SPOCK3: variants seen among roughly 807,000 people sequenced by gnomAD.
The protein encoded by SPOCK3 is SPARC (osteonectin), cwcv and kazal like domains proteoglycan 3.
Under a neutral mutation model 56.6 loss-of-function variants are expected in SPOCK3, and 30 were observed. The observed-to-expected ratio is 0.53, with a 90% CI of 0.40 to 0.72. The LOEUF is 0.72. SPOCK3 is among the 30% of genes least tolerant of loss of function. SPOCK3 has a pLI of 0.00. For missense variants in SPOCK3, 527 were observed against 530.0 expected (o/e 0.99, Z 0.06); for synonymous variants, 196 against 183.3 (o/e 1.07, Z -0.56).
At chr4:166,769,030 A>G (rs6854042) in intron 7 of SPOCK3, among the ~76,000 whole-genome samples, 69,856 of 152,058 alleles carry the variant, frequency 0.46, 16,554 homozygotes, top group African/African-American at 0.51. Flanking sequence ...CATGGTTTTC[A>G]GCTCTATCAG....
chr4:167,211,795 A>C (rs145874512), intron 2 of SPOCK3, among the ~76,000 whole-genome samples: 57 of 152,306 alleles, frequency 3.7e-4, no homozygotes, highest in African/African-American at 1.2e-3. Context: ...GGACTAATAC[A>C]TGTACATATT....
At chr4:166,750,681 T>C (rs781623628) in intron 8 of SPOCK3, among the ~76,000 whole-genome samples, 6 of 152,156 alleles carry the variant, frequency 3.9e-5, no homozygotes, top group Non-Finnish European at 8.8e-5. Flanking sequence ...GAATTGGTAA[T>C]TTTCAATACA....
intron 2 of SPOCK3, among the ~76,000 whole-genome samples, chr4:167,143,404 AT>A (rs772563514): frequency 6.6e-6 from 1 of 151,974 alleles, no homozygotes; most frequent in Non-Finnish European, 1.5e-5. Flanking sequence ...GTGTGATAAT[AT>A]TTTTTATTAC....
At chr4:166,872,644 G>A (rs979043477) in intron 6 of SPOCK3, among the ~76,000 whole-genome samples, 9 of 150,416 alleles carry the variant, frequency 6.0e-5, no homozygotes, top group Admixed American at 3.3e-4. Flanking sequence ...AGCCATGAAA[G>A]GACATCAAAG....
At chr4:166,833,140 T>C (rs1043807323) in intron 6 of SPOCK3, among the ~76,000 whole-genome samples, 14 of 152,238 alleles carry the variant, frequency 9.2e-5, no homozygotes, top group African/African-American at 3.4e-4. Context: ...ACTACCACTT[T>C]AATCCATGGC....
intron 2 of SPOCK3, among the ~76,000 whole-genome samples, chr4:167,093,760 G>T (rs535499707): frequency 6.6e-6 from 1 of 152,288 alleles, no homozygotes; most frequent in South Asian, 2.1e-4. Context: ...ACATAAGTGT[G>T]TGTGTGTCTT....
At chr4:166,889,280 C>T (rs1281579208) in intron 5 of SPOCK3, 36 bp from the exon 6 acceptor site, 2 of 1,319,290 alleles carry the variant, frequency 1.5e-6, no homozygotes, top group Non-Finnish European at 2.2e-6. Context: ...AATTCAAATG[C>T]TTTAGTTATA....
rs150448545 is a variant in SPOCK3 at position 167,168,249 on chromosome 4, T to C, written c.189+65736A>G. Among the ~76,000 whole-genome samples the C allele has an allele frequency of 6.2e-3, 940 of 152,176 alleles. 6 individuals carry two copies. Among genetic ancestry groups the C allele is most frequent in the African/African-American group, 0.021 (892 of 41,522 alleles). The stretch of plus-strand genomic sequence containing the variant: ...GTGCTGCTGTAAATATACCCAAAAA[T>C]GTGGAAGCAACTTTGGAACTGGGTA... On this transcript the variant is annotated intron_variant, in intron 2 of 10. Transcript: ENST00000357545.
intron 6 of SPOCK3, among the ~76,000 whole-genome samples, chr4:166,797,232 T>TA: frequency 7.0e-6 from 1 of 143,034 alleles, no homozygotes; most frequent in Non-Finnish European, 1.5e-5. Context: ...TTTCCACCTT[T>TA]CTTTTTTTTT....
chr4:166,958,993 T>C (rs1743828355), intron 4 of SPOCK3, among the ~76,000 whole-genome samples: 1 of 152,198 alleles, frequency 6.6e-6, no homozygotes, highest in Admixed American at 6.5e-5. Flanking sequence ...TTTGATAACA[T>C]TTTATATTCA....
chr4:167,158,928 A>T (rs1406633277), intron 2 of SPOCK3, among the ~76,000 whole-genome samples: 1 of 152,012 alleles, frequency 6.6e-6, no homozygotes, highest in African/African-American at 2.4e-5. Context: ...CATGCAAACT[A>T]GAAGGAAGGC....
chr4:166,806,381 G>A (rs1203000846), intron 6 of SPOCK3, among the ~76,000 whole-genome samples: 1 of 151,874 alleles, frequency 6.6e-6, no homozygotes, highest in East Asian at 1.9e-4. Context: ...TTTTAACAAG[G>A]TCATCTCCCT....
chr4:166,894,065 T>C lies in SPOCK3; in HGVS notation c.475-4821A>G, dbSNP rs577332266. 7.9e-5 allele frequency among the ~76,000 whole-genome samples: 12 copies of C among 152,196 alleles called. No homozygotes were observed. The East Asian group carries it at 1.9e-3, about 25-fold the overall frequency. On this transcript the variant is annotated intron_variant, in intron 5 of 10. Coordinates refer to ENST00000357545, the MANE Select transcript of SPOCK3 (RefSeq NM_001040159.2). ...CAGCATACATACACACACAGGAAGTTAAACATAGTAACAACATTAAAAACC... is the reference window on the plus strand; with the variant it reads ...CAGCATACATACACACACAGGAAGTCAAACATAGTAACAACATTAAAAACC...
At chr4:167,006,615 A>C (rs1191186427) in intron 3 of SPOCK3, among the ~76,000 whole-genome samples, 1 of 152,138 alleles carries the variant, frequency 6.6e-6, no homozygotes, top group Non-Finnish European at 1.5e-5. Context: ...ATCATTCAAC[A>C]ATGCCTAAAA....
At chr4:167,083,626 T>C (rs1056925567) in intron 2 of SPOCK3, among the ~76,000 whole-genome samples, 4 of 152,150 alleles carry the variant, frequency 2.6e-5, no homozygotes, top group African/African-American at 7.2e-5. Context: ...AATTGTCTAC[T>C]TGAAATGCTG....
chr4:167,087,818 G>A (rs1758337549), intron 2 of SPOCK3, among the ~76,000 whole-genome samples: 1 of 152,072 alleles, frequency 6.6e-6, no homozygotes, highest in Admixed American at 6.6e-5. Flanking sequence ...GGTACACATT[G>A]TTTCAAAACA....
At chr4:166,745,508 C>A (rs1367550914) in intron 8 of SPOCK3, among the ~76,000 whole-genome samples, 4 of 152,218 alleles carry the variant, frequency 2.6e-5, no homozygotes, top group Admixed American at 1.3e-4. Context: ...TGGAAAGGAA[C>A]AACCAGTAAC....
intron 4 of SPOCK3, among the ~76,000 whole-genome samples, chr4:166,941,768 G>A (rs1299884789): frequency 4.6e-5 from 7 of 152,126 alleles, no homozygotes; most frequent in African/African-American, 1.2e-4. Flanking sequence ...AAGCTGCCAC[G>A]GTGTGAGTAG....
intron 5 of SPOCK3, among the ~76,000 whole-genome samples, chr4:166,909,642 A>C (rs1336951378): frequency 6.6e-6 from 1 of 152,112 alleles, no homozygotes; most frequent in Non-Finnish European, 1.5e-5. Flanking sequence ...AAGACTCATC[A>C]TATCTGGCTT....
Sources: gnomAD v4.1 joint callset for allele counts (sites outside exome capture counted in the v4.1 genomes callset) on GRCh38, gnomAD v4.1.1 for gene constraint, MANE v1.5 for transcripts, NCBI Gene and HGNC (gene_info 2026-07-23, HGNC 2026-07-21) for gene names.